The following PLEKHM3 variants were observed in gnomAD, a reference collection of about 807,000 sequenced individuals.
The protein encoded by PLEKHM3 is pleckstrin homology domain containing M3.
A neutral mutation model predicts 81.8 loss-of-function variants in PLEKHM3; 45 were observed. The ratio of observed to expected loss-of-function variants is 0.55; its 90% CI spans 0.43 to 0.71. PLEKHM3 has a LOEUF of 0.71. Ranked by LOEUF, PLEKHM3 falls within the 30% of genes least tolerant of loss-of-function variation. PLEKHM3 has a pLI of 0.00. For synonymous variants in PLEKHM3, 352 were observed against 356.4 expected (o/e 0.99, Z 0.14); for missense variants, 788 against 924.3 (o/e 0.85, Z 1.91).
chr2:207,977,638 C>G (rs1292771124), intron 2 of PLEKHM3, 52 bp from the exon 3 acceptor site: 2 of 1,483,998 alleles, frequency 1.3e-6, no homozygotes, highest in East Asian at 4.5e-5. Flanking sequence ...TATAAGAAGG[C>G]AGGCACAAGA....
intron 3 of PLEKHM3, among the ~76,000 whole-genome samples, chr2:207,950,347 G>C (rs1226782925): frequency 2.0e-5 from 3 of 152,194 alleles, no homozygotes; most frequent in Non-Finnish European, 4.4e-5. Flanking sequence ...TTCTTGCCTA[G>C]GCACCACTGT....
chr2:207,986,163 T>C (rs917832850), intron 2 of PLEKHM3, among the ~76,000 whole-genome samples: 1 of 152,156 alleles, frequency 6.6e-6, no homozygotes, highest in African/African-American at 2.4e-5. Context: ...CATTTTAATG[T>C]TTTCAAAGAA....
chr2:207,986,212 T>A (rs930505781), intron 2 of PLEKHM3, among the ~76,000 whole-genome samples: 6 of 152,128 alleles, frequency 3.9e-5, no homozygotes, highest in Admixed American at 6.5e-5. Flanking sequence ...ATATCAAAAT[T>A]ATCTAGGAAA....
intron 3 of PLEKHM3, among the ~76,000 whole-genome samples, chr2:207,961,134 C>A (rs1233363369): frequency 2.6e-5 from 4 of 152,184 alleles, no homozygotes; most frequent in Non-Finnish European, 5.9e-5. Context: ...TCTTGTGCTC[C>A]TAATTTATTA....
At chr2:207,874,930 T>G (rs200254581) in intron 6 of PLEKHM3, among the ~76,000 whole-genome samples, 1 of 151,912 alleles carries the variant, frequency 6.6e-6, no homozygotes, top group East Asian at 1.9e-4. Context: ...GACTTAAATA[T>G]AAAAAGAAAA....
intron 3 of PLEKHM3, among the ~76,000 whole-genome samples, chr2:207,950,739 T>C (rs924499972): frequency 3.3e-5 from 5 of 152,180 alleles, no homozygotes; most frequent in Non-Finnish European, 5.9e-5. Context: ...GCTCAGAATT[T>C]GTCACACAGT....
intron 5 of PLEKHM3, among the ~76,000 whole-genome samples, chr2:207,911,777 C>T (rs1688816476): frequency 6.6e-6 from 1 of 152,200 alleles, no homozygotes; most frequent in African/African-American, 2.4e-5. Context: ...CATTTCAAGA[C>T]TAGCTCCTGC....
intron 3 of PLEKHM3, among the ~76,000 whole-genome samples, chr2:207,961,778 A>G (rs1205297423): frequency 6.6e-6 from 1 of 152,128 alleles, no homozygotes; most frequent in Non-Finnish European, 1.5e-5. Context: ...AGAAGCACCC[A>G]AAAAGATATC....
intron 5 of PLEKHM3, among the ~76,000 whole-genome samples, chr2:207,926,046 A>G (rs1322666510): frequency 6.6e-6 from 1 of 152,068 alleles, no homozygotes; most frequent in East Asian, 1.9e-4. Context: ...AGGCCCAGGG[A>G]ACCACCATAA....
intron 1 of PLEKHM3, among the ~76,000 whole-genome samples, chr2:208,004,049 T>G (rs1692410239): frequency 6.7e-6 from 1 of 150,336 alleles, no homozygotes; most frequent in Non-Finnish European, 1.5e-5. Flanking sequence ...TTTCTTTCTC[T>G]TTTTTTTTTG....
At chr2:207,841,025 G>T (rs1411142215) in intron 7 of PLEKHM3, among the ~76,000 whole-genome samples, 1 of 150,902 alleles carries the variant, frequency 6.6e-6, no homozygotes, top group African/African-American at 2.4e-5. Flanking sequence ...CACCATGTTG[G>T]CCAGGCAGGT....
At chr2:207,923,880 C>CACACACACATATATATAT (rs1319162543) in intron 5 of PLEKHM3, among the ~76,000 whole-genome samples, 20 of 56,774 alleles carry the variant, frequency 3.5e-4, no homozygotes, top group East Asian at 8.5e-4. Context: ...CACACACACA[C>CACACACACATATATATAT]ATATATATAT....
At chr2:207,868,265 C>A (rs2092512835) in intron 6 of PLEKHM3, among the ~76,000 whole-genome samples, 1 of 86,490 alleles carries the variant, frequency 1.2e-5, no homozygotes, top group South Asian at 2.7e-4. Flanking sequence ...CTGGTCAAAG[C>A]TTATTATTAT....
At chr2:207,855,077 C>T (rs1432149066) in intron 7 of PLEKHM3, among the ~76,000 whole-genome samples, 1 of 152,202 alleles carries the variant, frequency 6.6e-6, no homozygotes, top group Non-Finnish European at 1.5e-5. Flanking sequence ...GCCTAGATCT[C>T]AGTTTCTAAT....
chr2:207,987,423 T>A (rs1691764600), intron 2 of PLEKHM3, among the ~76,000 whole-genome samples: 1 of 152,164 alleles, frequency 6.6e-6, no homozygotes, highest in African/African-American at 2.4e-5. Flanking sequence ...CCACCCTTGG[T>A]CTCGAGTAAC....
intron 5 of PLEKHM3, among the ~76,000 whole-genome samples, chr2:207,916,416 A>G (rs1434372483): frequency 6.6e-6 from 1 of 152,120 alleles, no homozygotes; most frequent in East Asian, 1.9e-4. Flanking sequence ...CTTCCCCCGC[A>G]ATGAGTTTTA....
chr2:208,003,262 C>T (rs903160223), intron 1 of PLEKHM3, among the ~76,000 whole-genome samples: 12 of 152,306 alleles, frequency 7.9e-5, no homozygotes, highest in African/African-American at 2.9e-4. Context: ...AATTGTAAGT[C>T]CAATAAAACA....
chr2:207,972,806 AG>A (rs1240089420), intron 3 of PLEKHM3, among the ~76,000 whole-genome samples: 1 of 152,164 alleles, frequency 6.6e-6, no homozygotes, highest in Middle Eastern at 3.2e-3. Flanking sequence ...TTTTTTCTGC[AG>A]GGCTGTTTAA....
intron 7 of PLEKHM3, among the ~76,000 whole-genome samples, chr2:207,849,972 G>T (rs963952498): frequency 2.0e-5 from 3 of 152,182 alleles, no homozygotes; most frequent in Non-Finnish European, 2.9e-5. Context: ...GGGAGGTCTA[G>T]GAAACATGGC....
Sources: gnomAD v4.1 joint callset for allele counts (sites outside exome capture counted in the v4.1 genomes callset) on GRCh38, gnomAD v4.1.1 for gene constraint, MANE v1.5 for transcripts, NCBI Gene and HGNC (gene_info 2026-07-23, HGNC 2026-07-21) for gene names.